Variants in SV2C observed in about 807,000 individuals in gnomAD.
The protein encoded by SV2C is solute carrier family 22 member B3.
Under a neutral mutation model 79.7 loss-of-function variants are expected in SV2C, and 49 were observed. That is an observed-to-expected ratio of 0.61 (90% CI 0.49 to 0.78). SV2C has a LOEUF of 0.78. Among genes scored for constraint, SV2C ranks in the 30% least tolerant of loss-of-function variants. SV2C has a pLI of 0.00. For synonymous variants in SV2C, 334 were observed against 333.2 expected (o/e 1.00, Z -0.03); for missense variants, 833 against 912.9 (o/e 0.91, Z 1.13).
chr5:76,181,620 G>A (rs969036624), intron 2 of SV2C, among the ~76,000 whole-genome samples: 2 of 152,036 alleles, frequency 1.3e-5, no homozygotes. Flanking sequence ...GGGGGGATGT[G>A]CTGCACTTTT....
At chr5:76,099,286 A>G (rs1747661948) in intron 1 of SV2C, among the ~76,000 whole-genome samples, 1 of 151,804 alleles carries the variant, frequency 6.6e-6, no homozygotes, top group South Asian at 2.1e-4. Context: ...TGTATACCTG[A>G]GCTCCTGAGA....
At chr5:76,016,425 G>A in the SV2C span, among the ~76,000 whole-genome samples, 1 of 152,084 alleles carries the variant, frequency 6.6e-6, no homozygotes, top group Non-Finnish European at 1.5e-5. Context: ...GAATGAGGAT[G>A]AGGAGGGAAT....
intron 2 of SV2C, among the ~76,000 whole-genome samples, chr5:76,148,591 A>G (rs140623582): frequency 1.1e-4 from 16 of 152,202 alleles, no homozygotes; most frequent in Non-Finnish European, 1.9e-4. Flanking sequence ...CTGGGACTAT[A>G]GGTGCACACC....
the SV2C span, among the ~76,000 whole-genome samples, chr5:75,901,869 C>T: frequency 0.24 from 36,530 of 152,102 alleles, 4,921 homozygotes; most frequent in East Asian, 0.42. Context: ...AGTGAGACTC[C>T]GTGGGCATAG....
At chr5:76,153,589 A>G (rs1742626672) in intron 2 of SV2C, among the ~76,000 whole-genome samples, 1 of 152,200 alleles carries the variant, frequency 6.6e-6, no homozygotes, top group East Asian at 1.9e-4. Flanking sequence ...CCAGAGAGGG[A>G]CACAGACATA....
the SV2C span, among the ~76,000 whole-genome samples, chr5:76,019,875 C>T: frequency 6.6e-6 from 1 of 152,020 alleles, no homozygotes; most frequent in Non-Finnish European, 1.5e-5. Context: ...GATGCTTTTG[C>T]GAATTCTTTG....
At chr5:76,002,170 G>GTGTATA in the SV2C span, among the ~76,000 whole-genome samples, 1 of 150,352 alleles carries the variant, frequency 6.7e-6, no homozygotes, top group African/African-American at 2.4e-5. Flanking sequence ...TTTTGTGTGT[G>GTGTATA]TATATATATA....
the SV2C span, among the ~76,000 whole-genome samples, chr5:76,005,370 A>G: frequency 6.6e-6 from 1 of 152,234 alleles, no homozygotes; most frequent in Admixed American, 6.5e-5. Context: ...AAAATAATTT[A>G]TGCAAATATG....
chr5:76,030,948 TCAA>T, the SV2C span, among the ~76,000 whole-genome samples: 1 of 152,138 alleles, frequency 6.6e-6, no homozygotes, highest in Non-Finnish European at 1.5e-5. Context: ...ATCAAATATT[TCAA>T]CAATTTTTTT....
chr5:76,235,915 G>T (rs1018116461), intron 4 of SV2C, among the ~76,000 whole-genome samples: 1 of 152,024 alleles, frequency 6.6e-6, no homozygotes, highest in Non-Finnish European at 1.5e-5. Context: ...CCCCCCACCG[G>T]TTCTATATGA....
the SV2C span, among the ~76,000 whole-genome samples, chr5:76,066,850 C>T: frequency 6.7e-6 from 1 of 150,138 alleles, no homozygotes; most frequent in African/African-American, 2.4e-5. Context: ...GACTTCATTG[C>T]CAAGGAAAAG....
the SV2C span, among the ~76,000 whole-genome samples, chr5:75,994,506 C>T: frequency 6.6e-6 from 1 of 151,830 alleles, no homozygotes; most frequent in African/African-American, 2.4e-5. Flanking sequence ...GTAACTGGAC[C>T]TCAGATTCTT....
At chr5:76,130,086 T>A (rs1221144346) in intron 1 of SV2C, among the ~76,000 whole-genome samples, 5 of 148,922 alleles carry the variant, frequency 3.4e-5, no homozygotes, top group Admixed American at 1.4e-4. Flanking sequence ...CATTTTTTCT[T>A]ACTGTTCTCA....
chr5:75,879,865 C>T, the SV2C span, among the ~76,000 whole-genome samples: 1 of 152,194 alleles, frequency 6.6e-6, no homozygotes, highest in Non-Finnish European at 1.5e-5. Flanking sequence ...TGCCTGGGCA[C>T]CCAGGCTTTT....
chr5:75,914,282 C>T, the SV2C span, among the ~76,000 whole-genome samples: 1 of 152,148 alleles, frequency 6.6e-6, no homozygotes, highest in African/African-American at 2.4e-5. Flanking sequence ...TTTATTTTTC[C>T]TTCCAAAATA....
the SV2C span, among the ~76,000 whole-genome samples, chr5:75,890,520 TAAAAG>T: frequency 3.3e-5 from 5 of 151,976 alleles, no homozygotes; most frequent in Non-Finnish European, 7.4e-5. Context: ...CCATCACTGA[TAAAAG>T]AAAGGAAAAA....
chr5:75,980,160 G>C, the SV2C span, among the ~76,000 whole-genome samples: 5 of 152,074 alleles, frequency 3.3e-5, no homozygotes, highest in African/African-American at 1.2e-4. Context: ...TGCCAAAACT[G>C]AACCAGGAAT....
the SV2C span, among the ~76,000 whole-genome samples, chr5:75,859,149 T>C: frequency 9.2e-5 from 14 of 152,194 alleles, no homozygotes; most frequent in Admixed American, 7.9e-4. Context: ...CTTGATCTGA[T>C]TTTTTCCTAT....
At chr5:76,308,309 C>A (rs867468186) in intron 12 of SV2C, among the ~76,000 whole-genome samples, 1 of 152,144 alleles carries the variant, frequency 6.6e-6, no homozygotes, top group Non-Finnish European at 1.5e-5. Context: ...ACACTCCCTT[C>A]CTGATCATGG....
Sources: allele counts gnomAD v4.1 joint callset (sites outside exome capture counted in the v4.1 genomes callset), GRCh38; gene constraint gnomAD v4.1.1; transcripts MANE v1.5; gene names NCBI Gene and HGNC (gene_info 2026-07-23, HGNC 2026-07-21).